PAAF1: variants seen among roughly 807,000 people sequenced by gnomAD.
PAAF1 encodes proteasomal ATPase associated factor 1, also known as proteasomal ATPase-associated factor 1.
PAAF1 carries 46 observed loss-of-function variants against 52.8 expected under a neutral mutation model. The ratio of observed to expected loss-of-function variants is 0.87; its 90% CI spans 0.69 to 1.11. PAAF1 has a LOEUF of 1.11. PAAF1 is among the 50% of genes most tolerant of loss of function. The probability of loss-of-function intolerance (pLI) is 0.00; values close to 1 mark genes in which losing one functional copy is unlikely to be tolerated. For synonymous variants in PAAF1, 178 were observed against 172.8 expected (o/e 1.03, Z -0.24); for missense variants, 424 against 477.4 (o/e 0.89, Z 1.04).
At chr11:73,901,730 T>G (rs1320104718) in intron 6 of PAAF1, among the ~76,000 whole-genome samples, 1 of 152,042 alleles carries the variant, frequency 6.6e-6, no homozygotes, top group African/African-American at 2.4e-5. Flanking sequence ...GCCCCACACC[T>G]GGCTAATTTT....
At chr11:73,922,816 CAA>C (rs372724683) in intron 10 of PAAF1, among the ~76,000 whole-genome samples, 7 of 77,672 alleles carry the variant, frequency 9.0e-5, no homozygotes, top group African/African-American at 8.7e-5. Context: ...GACTCCGTCT[CAA>C]AAAAAAAAAA....
intron 2 of PAAF1, among the ~76,000 whole-genome samples, chr11:73,882,642 G>A (rs1948948637): frequency 6.6e-6 from 1 of 151,952 alleles, no homozygotes; most frequent in African/African-American, 2.4e-5. Flanking sequence ...TCGCTCTGTT[G>A]CCCAGGCTGG....
chr11:73,915,415 TGG>T (rs1473460779), intron 8 of PAAF1, among the ~76,000 whole-genome samples: 2 of 152,098 alleles, frequency 1.3e-5, no homozygotes, highest in African/African-American at 4.8e-5. Flanking sequence ...GAGACTGGCC[TGG>T]GCAAAAAAAC....
At chr11:73,927,198 G>A (rs1950385339) in intron 11 of PAAF1, 87 bp from the exon 12 acceptor site, 4 of 957,874 alleles carry the variant, frequency 4.2e-6, no homozygotes, top group East Asian at 4.8e-5. Flanking sequence ...GACTCCATGG[G>A]ACTAGTGTGT....
intron 6 of PAAF1, among the ~76,000 whole-genome samples, chr11:73,907,620 C>T (rs1949798203): frequency 1.3e-5 from 2 of 152,140 alleles, no homozygotes; most frequent in Admixed American, 6.5e-5. Flanking sequence ...ACTGCTAGAT[C>T]CTGTGACAGT....
chr11:73,915,334 A>G (rs77303137), intron 8 of PAAF1, among the ~76,000 whole-genome samples: 10,854 of 152,292 alleles, frequency 0.071, 474 homozygotes, highest in African/African-American at 0.11. Context: ...CACTGGGCAT[A>G]GTGGCTCATG....
chr11:73,896,282 T>G (rs1403296664), intron 4 of PAAF1, among the ~76,000 whole-genome samples: 3 of 138,364 alleles, frequency 2.2e-5, no homozygotes, highest in African/African-American at 5.9e-5. Context: ...GATGTTTCTT[T>G]TTTTCTTTTT....
At chr11:73,887,895 G>A (rs906796948) in intron 3 of PAAF1, among the ~76,000 whole-genome samples, 9 of 151,980 alleles carry the variant, frequency 5.9e-5, no homozygotes, top group African/African-American at 1.9e-4. Context: ...GATTATGGGC[G>A]CCCGCCACCA....
intron 2 of PAAF1, among the ~76,000 whole-genome samples, chr11:73,885,033 G>A (rs1427331081): frequency 2.6e-5 from 4 of 151,406 alleles, no homozygotes; most frequent in Admixed American, 2.6e-4. Flanking sequence ...CTAATTTTTT[G>A]TATTTTTAGT....
chr11:73,895,620 C>T (rs1016575794), intron 4 of PAAF1, among the ~76,000 whole-genome samples: 1 of 152,196 alleles, frequency 6.6e-6, no homozygotes, highest in African/African-American at 2.4e-5. Flanking sequence ...GCCAAAGTCC[C>T]TACTTTTTTC....
At chr11:73,911,036 T>C (rs1221053371) in intron 7 of PAAF1, among the ~76,000 whole-genome samples, 1 of 151,640 alleles carries the variant, frequency 6.6e-6, no homozygotes, top group Non-Finnish European at 1.5e-5. Context: ...TATATACCTT[T>C]TGCCTTACCC....
At chr11:73,893,638 G>A (rs1462619028) in intron 4 of PAAF1, among the ~76,000 whole-genome samples, 1 of 147,864 alleles carries the variant, frequency 6.8e-6, no homozygotes, top group African/African-American at 2.5e-5. Context: ...TCGGGAGGTT[G>A]AGGCAGGAGA....
At chr11:73,919,958 A>G (rs1950166133) in intron 10 of PAAF1, among the ~76,000 whole-genome samples, 1 of 152,196 alleles carries the variant, frequency 6.6e-6, no homozygotes, top group Non-Finnish European at 1.5e-5. Context: ...AAATAAAGTC[A>G]ACCAAAGAGA....
Position 73,930,389 on chromosome 11 carries a change from AAAG to A in PAAF1, c.*3030_*3032del, listed in dbSNP as rs1950441118. ...TATCTCAAGAAAAAAAAAAAGAAAA[AAAG>A]AAAACAGGAAGAAATGTTGTCATTT... On this transcript the variant is annotated 3_prime_UTR_variant, in exon 12 of 12. Transcript: ENST00000310571. 1 of 151,142 alleles carries A rather than the reference AAAG, an allele frequency of 6.6e-6. No individual in the cohort carries two copies. Among genetic ancestry groups the A allele is most frequent in the African/African-American group, 2.4e-5 (1 of 41,104 alleles). 9.4% of individuals were successfully genotyped at this position (151,142 alleles called of 1,614,324 possible).
chr11:73,884,293 A>C (rs527536789), intron 2 of PAAF1, among the ~76,000 whole-genome samples: 111 of 152,266 alleles, frequency 7.3e-4, no homozygotes, highest in Non-Finnish European at 1.3e-3. Context: ...TGAGCCCAGC[A>C]GTTCGAGACC....
chr11:73,887,231 T>G (rs901046815), intron 2 of PAAF1, 123 bp from the exon 3 acceptor site: 3 of 619,994 alleles, frequency 4.8e-6, no homozygotes, highest in Non-Finnish European at 8.2e-6. Flanking sequence ...CAGGCACCTG[T>G]TTTTCTTTCG....
chr11:73,899,035 C>G, intron 4 of PAAF1, 111 bp from the exon 5 acceptor site: 1 of 769,310 alleles, frequency 1.3e-6, no homozygotes, highest in Non-Finnish European at 2.0e-6. Context: ...TTGGGAAACA[C>G]AGGCTTCAGG....
chr11:73,888,069 T>G (rs1056922055), intron 3 of PAAF1, among the ~76,000 whole-genome samples: 3 of 152,164 alleles, frequency 2.0e-5, no homozygotes, highest in African/African-American at 7.2e-5. Flanking sequence ...TAATAATATA[T>G]TTGATCTAAC....
chr11:73,883,441 C>T (rs1327252314), intron 2 of PAAF1, among the ~76,000 whole-genome samples: 3 of 152,164 alleles, frequency 2.0e-5, no homozygotes, highest in African/African-American at 7.2e-5. Context: ...GATTTGCCTA[C>T]TTTGGACATT....
Sources: gnomAD v4.1 joint callset for allele counts (sites outside exome capture counted in the v4.1 genomes callset) on GRCh38, gnomAD v4.1.1 for gene constraint, MANE v1.5 for transcripts, NCBI Gene and HGNC (gene_info 2026-07-23, HGNC 2026-07-21) for gene names.